Variants in GRM3 observed in about 807,000 individuals in gnomAD.
GRM3 encodes the protein metabotropic glutamate receptor 3.
In GRM3, 26 loss-of-function variants were observed where a neutral mutation model predicts 70.5. The observed-to-expected ratio is 0.37, with a 90% confidence interval of 0.27 to 0.51. The LOEUF is 0.51. Ranked by LOEUF, GRM3 falls within the 20% of genes least tolerant of loss-of-function variation. The probability of loss-of-function intolerance (pLI) is 0.93; values close to 1 mark genes in which losing one functional copy is unlikely to be tolerated. For synonymous variants in GRM3, 443 were observed against 434.9 expected, an observed-to-expected ratio of 1.02 and a Z score of -0.23; for missense variants, 859 against 1,123.8, an observed-to-expected ratio of 0.76 and a Z score of 3.37.
At chr7:86,799,909 T>C (rs1283823372) in intron 3 of GRM3, among the ~76,000 whole-genome samples, 1 of 152,178 alleles carries the variant, frequency 6.6e-6, no homozygotes, top group Non-Finnish European at 1.5e-5. Flanking sequence ...GTTGAGATAA[T>C]CATGTGTTTT....
At position 86,765,502 on chromosome 7, in the gene GRM3, A is replaced by G; in HGVS notation, c.357A>G (p.Lys119=). Residue 119 remains lysine (K), a synonymous_variant, in exon 2 of 6, where the codon AAA becomes AAG. Transcript: ENST00000361669. ...SLEFVRASLT[K]VDEAEYMCPD... is the part of the protein sequence containing the mutation. ...AGTTTGTCAGGGCATCTTTGACAAA[A>G]GTGGATGAAGCTGAGTATATGTGTC... 6.2e-7 allele frequency: 1 copy of G among 1,613,924 alleles called. No homozygotes were observed.
At chr7:86,699,001 A>C (rs1794891666) in intron 1 of GRM3, among the ~76,000 whole-genome samples, 1 of 152,090 alleles carries the variant, frequency 6.6e-6, no homozygotes, top group African/African-American at 2.4e-5. Flanking sequence ...GGGGTGACTA[A>C]TGAATTTCCC....
rs1272244477 is a variant in GRM3, at chr7:86,786,238, G to T, written c.469-23G>T. 1 of 1,591,608 alleles carries T rather than the reference G, an allele frequency of 6.3e-7. No homozygotes were observed. Among genetic ancestry groups the T allele is most frequent in the Admixed American group, 1.7e-5 (1 of 57,590 alleles). ...CATCTACCTCGGGGTTTCTAACAAA[G>T]GTCCTTCTTCTCCCTCCCCTAGGTG... is the stretch of plus-strand genomic sequence containing the variant. On this transcript the variant is annotated intron_variant, in intron 2 of 5. Transcript: ENST00000361669. This position sits in a 1 kb window ranked among gnomAD's most constrained non-coding sequence, Gnocchi z 6.0.
At chr7:86,742,643 G>A (rs1416551874) in intron 1 of GRM3, among the ~76,000 whole-genome samples, 1 of 152,078 alleles carries the variant, frequency 6.6e-6, no homozygotes, top group Non-Finnish European at 1.5e-5. Flanking sequence ...GGGTGGAAGA[G>A]TTTAGATATA....
chr7:86,709,716 A>G (rs1795148839), intron 1 of GRM3, among the ~76,000 whole-genome samples: 1 of 152,128 alleles, frequency 6.6e-6, no homozygotes, highest in Non-Finnish European at 1.5e-5. Context: ...ATATTAGTAG[A>G]TACCAAAGTT....
At chr7:86,740,195 C>T (rs1795953973) in intron 1 of GRM3, among the ~76,000 whole-genome samples, 1 of 152,010 alleles carries the variant, frequency 6.6e-6, no homozygotes, top group Admixed American at 6.6e-5. Context: ...AAAAAAAGTT[C>T]CATTTGTGAA....
rs560597315 is a variant in GRM3, at chr7:86,816,929, AG to A, written c.1325-21907del. Among the ~76,000 whole-genome samples the A allele has an allele frequency of 2.5e-4, 32 of 128,758 alleles. 1 individual carries two copies. In the South Asian group the frequency reaches 7.3e-3, roughly 30 times the overall value. The allele number at this position is 128,758 out of a possible 152,430, so 84.5% of individuals were successfully genotyped here. A position where few individuals can be genotyped will look rare whatever the true frequency, so the allele number is the denominator to read the frequency against. On this transcript the variant is annotated intron_variant, in intron 3 of 5. Coordinates refer to ENST00000361669, the MANE Select transcript of GRM3 (RefSeq NM_000840.3). Reference sequence around the variant, plus strand: ...GACAGGAAATAGATTAAGATCATTCAGGGAAAAGATGAAGAAAGAGAAAAAG... The same window carrying A: ...GACAGGAAATAGATTAAGATCATTCAGGAAAAGATGAAGAAAGAGAAAAAG...
chr7:86,815,079 T>C (rs1172622799), intron 3 of GRM3, among the ~76,000 whole-genome samples: 1 of 151,744 alleles, frequency 6.6e-6, no homozygotes, highest in Non-Finnish European at 1.5e-5. Context: ...TATATTTTAT[T>C]TTAACAGCAT....
intron 1 of GRM3, among the ~76,000 whole-genome samples, chr7:86,683,917 T>C (rs1342195240): frequency 6.6e-6 from 1 of 152,172 alleles, no homozygotes; most frequent in East Asian, 1.9e-4. Flanking sequence ...AAGTCATAAA[T>C]GACCACTTTC....
chr7:86,644,951 G>A, intron 1 of GRM3, 79 bp downstream of exon 1: 1 of 693,832 alleles, frequency 1.4e-6, no homozygotes, highest in Non-Finnish European at 2.2e-6. Context: ...GCGTGGGGCA[G>A]GCGCAGCCGG....
At chr7:86,665,989 A>G (rs919164434) in intron 1 of GRM3, among the ~76,000 whole-genome samples, 5 of 152,000 alleles carry the variant, frequency 3.3e-5, no homozygotes, top group Non-Finnish European at 5.9e-5. Flanking sequence ...GAATATTCTT[A>G]CCCTCTAATC....
At chr7:86,702,726 GT>G (rs1794970849) in intron 1 of GRM3, among the ~76,000 whole-genome samples, 1 of 151,662 alleles carries the variant, frequency 6.6e-6, no homozygotes, top group Non-Finnish European at 1.5e-5. Flanking sequence ...TCTTTTTGTT[GT>G]TTATAACATA....
intron 1 of GRM3, among the ~76,000 whole-genome samples, chr7:86,756,484 A>G (rs1056957736): frequency 1.3e-5 from 2 of 152,166 alleles, no homozygotes; most frequent in African/African-American, 4.8e-5. Flanking sequence ...GTTTAACTGG[A>G]TAGAGAATTC....
chr7:86,755,388 C>G (rs530153845), intron 1 of GRM3, among the ~76,000 whole-genome samples: 2 of 152,210 alleles, frequency 1.3e-5, no homozygotes, highest in East Asian at 3.9e-4. Flanking sequence ...GGGCAGTAAT[C>G]ATAACCTTGG....
intron 3 of GRM3, among the ~76,000 whole-genome samples, chr7:86,835,474 TAAGA>T (rs1470584455): frequency 6.6e-6 from 1 of 152,172 alleles, no homozygotes; most frequent in Non-Finnish European, 1.5e-5. Flanking sequence ...CTAGTAGTTA[TAAGA>T]AAGAGATGGA....
At chr7:86,766,543 G>C (rs976642127) in intron 2 of GRM3, among the ~76,000 whole-genome samples, 2 of 152,042 alleles carry the variant, frequency 1.3e-5, no homozygotes, top group African/African-American at 2.4e-5. Context: ...AAATCATCTA[G>C]CTTAACTTCA....
At chr7:86,744,876 T>C (rs946582343) in intron 1 of GRM3, among the ~76,000 whole-genome samples, 2 of 151,996 alleles carry the variant, frequency 1.3e-5, no homozygotes, top group Non-Finnish European at 2.9e-5. Context: ...AAAGGCACCA[T>C]CAGAAGCAGA....
chr7:86,669,342 A>G (rs768085958), intron 1 of GRM3, among the ~76,000 whole-genome samples: 9 of 152,236 alleles, frequency 5.9e-5, no homozygotes, highest in Non-Finnish European at 1.3e-4. Flanking sequence ...AACTAGGGAA[A>G]GAACAGGTGT....
intron 1 of GRM3, among the ~76,000 whole-genome samples, chr7:86,710,557 T>G (rs1363664247): frequency 2.5e-5 from 1 of 40,146 alleles, no homozygotes; most frequent in Admixed American, 3.5e-4. Flanking sequence ...TGCTACTGTG[T>G]GTGTGTGGTG....
Sources: allele counts gnomAD v4.1 joint callset (sites outside exome capture counted in the v4.1 genomes callset), GRCh38; gene constraint gnomAD v4.1.1; non-coding constraint Gnocchi (gnomAD v3.1); transcripts MANE v1.5; gene names NCBI Gene and HGNC (gene_info 2026-07-23, HGNC 2026-07-21).